TBC1D2B: variants seen among roughly 807,000 people sequenced by gnomAD.
TBC1D2B encodes TBC1 domain family, member 2B.
A neutral mutation model predicts 100.8 loss-of-function variants in TBC1D2B; 64 were observed. That is an observed-to-expected ratio of 0.64 (90% CI 0.52 to 0.78). The LOEUF is 0.78. Ranked by LOEUF, TBC1D2B falls within the 30% of genes least tolerant of loss-of-function variation. The pLI, the probability that TBC1D2B is intolerant of heterozygous loss-of-function variation, is 0.00. For synonymous variants in TBC1D2B, 480 were observed against 479.7 expected (o/e 1.00, Z -0.01); for missense variants, 1,052 against 1,218.4 (o/e 0.86, Z 2.03).
At chr15:78,042,159 G>A (rs139116035) in intron 3 of TBC1D2B, among the ~76,000 whole-genome samples, 44 of 152,248 alleles carry the variant, frequency 2.9e-4, no homozygotes, top group Middle Eastern at 3.4e-3. Context: ...AGTGACAGGC[G>A]TTCACTTTCC....
chr15:78,032,554 C>A (rs1567023160), intron 3 of TBC1D2B, among the ~76,000 whole-genome samples: 1 of 150,708 alleles, frequency 6.6e-6, no homozygotes, highest in Non-Finnish European at 1.5e-5. Flanking sequence ...CAGAAACAGA[C>A]CAGAAACAAC....
At chr15:78,075,954 C>T (rs1305441692) in intron 1 of TBC1D2B, among the ~76,000 whole-genome samples, 1 of 152,210 alleles carries the variant, frequency 6.6e-6, no homozygotes, top group Non-Finnish European at 1.5e-5. Flanking sequence ...GCTTTGAGAG[C>T]ACTTTCATAC....
intron 9 of TBC1D2B, among the ~76,000 whole-genome samples, chr15:78,011,792 G>C (rs549680842): frequency 4.6e-5 from 7 of 152,012 alleles, no homozygotes; most frequent in African/African-American, 1.7e-4. Context: ...GGGATTACAG[G>C]CATGTGCCAC....
rs2071746522 is a variant in TBC1D2B at position 77,996,101 on chromosome 15, C to T, written c.*2059G>A. On this transcript the variant is annotated 3_prime_UTR_variant, in exon 13 of 13. Coordinates refer to ENST00000300584, the MANE Select transcript of TBC1D2B (RefSeq NM_144572.2). ...CAGGAGAACCTCTGAGAAAGTGTCC[C>T]CAGTCCCTTTCCTCCAGGAACTCTC... The T allele has an allele frequency of 1.3e-5, 2 of 151,916 alleles. No individual in the cohort carries two copies. Among genetic ancestry groups the T allele is most frequent in the Admixed American group, 1.3e-4 (2 of 15,184 alleles). 9.4% of individuals were successfully genotyped at this position (151,916 alleles called of 1,614,324 possible). A position where few individuals can be genotyped will look rare whatever the true frequency, so the allele number is the denominator to read the frequency against.
intron 2 of TBC1D2B, among the ~76,000 whole-genome samples, chr15:78,046,613 C>T (rs541090444): frequency 2.6e-5 from 4 of 152,046 alleles, no homozygotes; most frequent in East Asian, 1.9e-4. Context: ...ACTACAGGCA[C>T]GCACGATGCC....
At chr15:78,044,773 G>T in intron 3 of TBC1D2B, 127 bp downstream of exon 3, 1 of 837,778 alleles carries the variant, frequency 1.2e-6, no homozygotes, top group Non-Finnish European at 1.8e-6. Context: ...CTATGGGAAA[G>T]TATGATGTAA....
Position 78,029,996 on chromosome 15 carries a change from T to A in TBC1D2B, c.847+11A>T, listed in dbSNP as rs1423612842. Reference sequence around the variant, plus strand: ...ACAGAGAATGACAGACAACAGGAAGTACATTGATACCTTTGTTTCCTTCAG... The same window carrying A: ...ACAGAGAATGACAGACAACAGGAAGAACATTGATACCTTTGTTTCCTTCAG... On this transcript the variant is annotated intron_variant, in intron 4 of 12. Transcript: ENST00000300584. The A allele has an allele frequency of 6.2e-7, 1 of 1,600,240 alleles. No individual in the cohort carries two copies. Among genetic ancestry groups the A allele is most frequent in the African/African-American group, 1.4e-5 (1 of 73,932 alleles).
intron 1 of TBC1D2B, among the ~76,000 whole-genome samples, chr15:78,070,654 T>C (rs899829825): frequency 2.0e-5 from 3 of 152,228 alleles, no homozygotes; most frequent in Non-Finnish European, 4.4e-5. Flanking sequence ...TTAACATTTT[T>C]ATTTTGCTAT....
At chr15:78,073,132 G>C (rs113986601) in intron 1 of TBC1D2B, among the ~76,000 whole-genome samples, 81 of 152,272 alleles carry the variant, frequency 5.3e-4, no homozygotes, top group Non-Finnish European at 9.1e-4. Flanking sequence ...TCTACTTTCA[G>C]AGAGGGTCTG....
At chr15:77,999,533 A>G (rs969077308) in intron 12 of TBC1D2B, among the ~76,000 whole-genome samples, 58 of 152,176 alleles carry the variant, frequency 3.8e-4, no homozygotes, top group African/African-American at 1.4e-3. Flanking sequence ...CCGCGTGTGG[A>G]TTTCTCGGGT....
chr15:78,053,847 G>T, intron 2 of TBC1D2B, 187 bp downstream of exon 2: 1 of 624,340 alleles, frequency 1.6e-6, no homozygotes, highest in South Asian at 2.2e-5. Context: ...TGATTCCAAG[G>T]CTGTCACTGG....
At chr15:78,021,349 T>G (rs1786809239) in intron 6 of TBC1D2B, among the ~76,000 whole-genome samples, 1 of 152,110 alleles carries the variant, frequency 6.6e-6, no homozygotes, top group South Asian at 2.1e-4. Flanking sequence ...TTTTTCCACT[T>G]AGACATTTAA....
chr15:78,074,299 A>G (rs2073792731), intron 1 of TBC1D2B, among the ~76,000 whole-genome samples: 1 of 152,062 alleles, frequency 6.6e-6, no homozygotes, highest in African/African-American at 2.4e-5. Context: ...CTGGGATTAC[A>G]GGCATGAGCC....
At position 78,076,931 on chromosome 15, in the gene TBC1D2B, G is replaced by A. The variant is rs143401475; in HGVS notation, c.360+362C>T. Among the ~76,000 whole-genome samples, 304 of 152,360 alleles carry A rather than the reference G, an allele frequency of 2.0e-3. 2 individuals are homozygous for A. Among genetic ancestry groups the A allele is most frequent in the Admixed American group, 0.013 (196 of 15,310 alleles). On this transcript the variant is annotated intron_variant, in intron 1 of 12. Coordinates refer to ENST00000300584, the MANE Select transcript of TBC1D2B (RefSeq NM_144572.2). The stretch of plus-strand genomic sequence containing the variant: ...CAAGGCCATAGGCAAAGTTCTAAAG[G>A]AGGCCCCAGGGGTAGAAGCCTACGC...
At chr15:78,005,271 A>C (rs1421771973) in intron 10 of TBC1D2B, among the ~76,000 whole-genome samples, 1 of 152,158 alleles carries the variant, frequency 6.6e-6, no homozygotes, top group African/African-American at 2.4e-5. Flanking sequence ...ACATGGAATG[A>C]CTGTGTCATT....
At chr15:78,040,157 G>A (rs1378598568) in intron 3 of TBC1D2B, among the ~76,000 whole-genome samples, 3 of 151,980 alleles carry the variant, frequency 2.0e-5, no homozygotes, top group South Asian at 2.1e-4. Context: ...TCTTGCTTGC[G>A]CACTCCCACC....
At chr15:78,048,469 A>G (rs1339478991) in intron 2 of TBC1D2B, among the ~76,000 whole-genome samples, 1 of 152,224 alleles carries the variant, frequency 6.6e-6, no homozygotes, top group Non-Finnish European at 1.5e-5. Flanking sequence ...AGGCTGGACT[A>G]GTGTTCATGA....
At chr15:78,002,949 A>C in intron 11 of TBC1D2B, 3 of 175,478 alleles carry the variant, frequency 1.7e-5, no homozygotes, top group Non-Finnish European at 2.5e-5. Context: ...AGTCCCCCTC[A>C]TTAGCCCCCC....
chr15:78,033,489 A>G (rs1329279052), intron 3 of TBC1D2B, among the ~76,000 whole-genome samples: 1 of 152,220 alleles, frequency 6.6e-6, no homozygotes, highest in Non-Finnish European at 1.5e-5. Context: ...GAGGTTGCCC[A>G]GGGCCGGGTA....
Sources: allele counts gnomAD v4.1 joint callset (sites outside exome capture counted in the v4.1 genomes callset), GRCh38; gene constraint gnomAD v4.1.1; transcripts MANE v1.5; gene names NCBI Gene and HGNC (gene_info 2026-07-23, HGNC 2026-07-21).